The following TPO variants were observed in gnomAD, a reference collection of about 807,000 sequenced individuals.
The protein encoded by TPO is thyroid peroxidase, also known as thyroid microsomal antigen.
In TPO, 78 loss-of-function variants were observed where a neutral mutation model predicts 96.9. That is an observed-to-expected ratio of 0.81 (90% CI 0.67 to 0.97). The LOEUF (loss-of-function observed/expected upper bound fraction) is 0.97, where lower values mean the gene tolerates loss of function less well. TPO is among the 50% of genes least tolerant of loss of function. The pLI is 0.00. For synonymous variants in TPO, 547 were observed against 538.0 expected (o/e 1.02, Z -0.23); for missense variants, 1,252 against 1,274.8 (o/e 0.98, Z 0.27).
chr2:1,489,705 C>G (rs943521784), intron 10 of TPO, among the ~76,000 whole-genome samples: 10 of 146,192 alleles, frequency 6.8e-5, no homozygotes, highest in African/African-American at 2.5e-4. Flanking sequence ...TAAACGCTGA[C>G]AAGGACAGAA....
chr2:1,523,360 ACT>A (rs1294807868), intron 15 of TPO, among the ~76,000 whole-genome samples: 1 of 86,536 alleles, frequency 1.2e-5, no homozygotes, highest in Non-Finnish European at 2.2e-5. Context: ...AAATCCCCCC[ACT>A]GTGTTCAACC....
upstream of TPO, among the ~76,000 whole-genome samples, chr2:1,410,826 T>C (rs1662321422): frequency 6.6e-6 from 1 of 152,098 alleles, no homozygotes; most frequent in Non-Finnish European, 1.5e-5. Flanking sequence ...CCTTGATTTT[T>C]CTCATAATGG....
At position 1,503,788 on chromosome 2, in the gene TPO, T is replaced by C. The variant is rs558097925; in HGVS notation, c.2387-160T>C. ...CTGCTCCTCATCACCTTTTCGGATG[T>C]GCCGGGAGCAGGGGGCGGCCGGTTC... On this transcript the variant is annotated intron_variant, in intron 13 of 16. Coordinates refer to ENST00000329066, the MANE Select transcript of TPO (RefSeq NM_001206744.2). 3,138 of 1,333,730 alleles carry C rather than the reference T, an allele frequency of 2.4e-3. 7 individuals are homozygous for C. Among genetic ancestry groups the C allele is most frequent in the Non-Finnish European group, 3.1e-3 (2,918 of 948,622 alleles). 82.6% of individuals were successfully genotyped at this position (1,333,730 alleles called of 1,614,324 possible).
At chr2:1,449,902 A>G (rs1405314419) in intron 5 of TPO, among the ~76,000 whole-genome samples, 1 of 152,298 alleles carries the variant, frequency 6.6e-6, no homozygotes, top group East Asian at 1.9e-4. Flanking sequence ...CCAGCTCACA[A>G]ACTGACTGGT....
Position 1,456,058 on chromosome 2 carries a change from T to A in TPO, c.613-18T>A, listed in dbSNP as rs373647298. 2 of 1,612,008 alleles carry A rather than the reference T, an allele frequency of 1.2e-6. No individual in the cohort carries two copies. Among genetic ancestry groups the A allele is most frequent in the Non-Finnish European group, 1.7e-6 (2 of 1,179,098 alleles). ...CAGGGTCCTCCTATGTCCTGACCAA[T>A]GGTCTCTTCCTACCCAGGTCCGGGA... On this transcript the variant is annotated intron_variant, in intron 6 of 16. Coordinates refer to ENST00000329066, the MANE Select transcript of TPO (RefSeq NM_001206744.2).
chr2:1,543,416 G>C lies in TPO; in HGVS notation c.*942G>C, dbSNP rs1307224035. ...ATTCATGGATAAAACAGACCATCGAGGCAGCACTGAATGATCTCACCCACG... is the reference window on the plus strand; with the variant it reads ...ATTCATGGATAAAACAGACCATCGACGCAGCACTGAATGATCTCACCCACG... On this transcript the variant is annotated 3_prime_UTR_variant, in exon 17 of 17. Coordinates refer to ENST00000329066, the MANE Select transcript of TPO (RefSeq NM_001206744.2). 1 of 152,176 alleles carries C rather than the reference G, an allele frequency of 6.6e-6. No individual in the cohort carries two copies. The highest frequency in any genetic ancestry group is 1.5e-5 in the Non-Finnish European group (1 of 68,056). 9.4% of individuals were successfully genotyped at this position (152,176 alleles called of 1,614,324 possible).
chr2:1,381,233 T>G lies in TPO; in HGVS notation n.180+6831T>G, dbSNP rs559544734. On this transcript the variant is annotated intron_variant and non_coding_transcript_variant, in intron 1 of 5. Coordinates refer to the TPO transcript ENST00000497517. ...CATCAGAGTGAACAGGCAACCTACA[T>G]AATGGGAGAAAATTTTTGCAATCTA... 5.4e-3 allele frequency among the ~76,000 whole-genome samples: 819 copies of G among 152,080 alleles called. 9 individuals carry two copies. The highest frequency in any genetic ancestry group is 0.018 in the African/African-American group (749 of 41,486).
chr2:1,385,470 C>A (rs1409781918), intron 1 of TPO, among the ~76,000 whole-genome samples: 1 of 152,120 alleles, frequency 6.6e-6, no homozygotes, highest in East Asian at 1.9e-4. Flanking sequence ...TTATCAATTT[C>A]TTCTAGATTT....
At chr2:1,523,135 A>C (rs1425727643) in intron 15 of TPO, among the ~76,000 whole-genome samples, 20 of 111,732 alleles carry the variant, frequency 1.8e-4, no homozygotes, top group Non-Finnish European at 3.6e-4. Flanking sequence ...AATCCGCCCC[A>C]CCCTGTGCAT....
chr2:1,528,489 T>TC (rs1288912628), intron 15 of TPO, among the ~76,000 whole-genome samples: 1 of 136,208 alleles, frequency 7.3e-6, no homozygotes, highest in Non-Finnish European at 1.5e-5. Flanking sequence ...CCTCCTCAAA[T>TC]CCCCCCTTCT....
At chr2:1,511,198 A>G (rs866046646) in intron 14 of TPO, among the ~76,000 whole-genome samples, 777 of 126,714 alleles carry the variant, frequency 6.1e-3, no homozygotes, top group Middle Eastern at 0.037. Context: ...GTGCCACAGC[A>G]CAGCCCTGCA....
rs572787755 is a variant in TPO at position 1,521,548 on chromosome 2, CTCT to C, written c.2618+4568_2618+4570del. Among the ~76,000 whole-genome samples, 30 of 152,274 alleles carry C rather than the reference CTCT, an allele frequency of 2.0e-4. No individual in the cohort carries two copies. The East Asian group carries it at 5.6e-3, about 28-fold the overall frequency. ...CTCTTGGGGTAGAGACGGCCTGAGT[CTCT>C]TGAGATGGAGTCTGAAGCTTCTGGT... On this transcript the variant is annotated intron_variant, in intron 15 of 16. Transcript: ENST00000329066.
chr2:1,505,238 A>G (rs1049626440), intron 14 of TPO, among the ~76,000 whole-genome samples: 1 of 150,786 alleles, frequency 6.6e-6, no homozygotes, highest in Non-Finnish European at 1.5e-5. Context: ...TGTCAGGCAT[A>G]CACCCCCTTC....
intron 5 of TPO, among the ~76,000 whole-genome samples, chr2:1,438,369 A>T (rs1010267037): frequency 6.6e-6 from 1 of 152,166 alleles, no homozygotes; most frequent in Admixed American, 6.5e-5. Context: ...AACAGCGTTA[A>T]CAAGTCTGGG....
At position 1,505,387 on chromosome 2, in the gene TPO, C is replaced by A. The variant is rs530587827; in HGVS notation, c.2518+1308C>A. Among the ~76,000 whole-genome samples, 543 of 145,346 alleles carry A rather than the reference C, an allele frequency of 3.7e-3. 5 individuals are homozygous for A. The highest frequency in any genetic ancestry group is 0.012 in the African/African-American group (470 of 38,872). On this transcript the variant is annotated intron_variant, in intron 14 of 16. Coordinates refer to ENST00000329066, the MANE Select transcript of TPO (RefSeq NM_001206744.2). ...CACCCCCGTGTCAGGCACACCCCAC[C>A]AGCCTGTGTCAGGCACACTGCCCCA...
Position 1,460,884 on chromosome 2 carries a change from T to G in TPO, c.819+4602T>G, listed in dbSNP as rs562646810. ...CTCCACCTTTGGGCTCCCCTGGAGC[T>G]GCACTGAGAGAATCACTGTGCGTGG... On this transcript the variant is annotated intron_variant, in intron 7 of 16. Coordinates refer to ENST00000329066, the MANE Select transcript of TPO (RefSeq NM_001206744.2). Among the ~76,000 whole-genome samples the G allele has an allele frequency of 6.6e-5, 10 of 152,304 alleles. No homozygotes were observed. In the East Asian group the frequency reaches 1.7e-3, roughly 26 times the overall value.
intron 10 of TPO, among the ~76,000 whole-genome samples, chr2:1,489,900 CA>C (rs1671556058): frequency 6.6e-6 from 1 of 152,222 alleles, no homozygotes; most frequent in Admixed American, 6.5e-5. Flanking sequence ...GTTGGGGACG[CA>C]AACACGAGAG....
intron 13 of TPO, among the ~76,000 whole-genome samples, chr2:1,501,885 T>A (rs543917595): frequency 6.6e-6 from 1 of 152,166 alleles, no homozygotes; most frequent in African/African-American, 2.4e-5. Flanking sequence ...TTTCTGTTGC[T>A]TGGAGCCATC....
chr2:1,494,129 C>T, intron 11 of TPO, 90 bp downstream of exon 11: 1 of 1,274,470 alleles, frequency 7.8e-7, no homozygotes. Context: ...CCTGCATTCA[C>T]ATTCCGGCTC....
Sources: allele counts gnomAD v4.1 joint callset (sites outside exome capture counted in the v4.1 genomes callset), GRCh38; gene constraint gnomAD v4.1.1; transcripts MANE v1.5; gene names NCBI Gene and HGNC (gene_info 2026-07-23, HGNC 2026-07-21).